The following MYCBP2 variants were observed in gnomAD, a reference collection of about 807,000 sequenced individuals.
MYCBP2 encodes MYC binding protein 2, also known as E3 ubiquitin-protein ligase MYCBP2.
Under a neutral mutation model 525.3 loss-of-function variants are expected in MYCBP2, and 120 were observed. That is an observed-to-expected ratio of 0.23 (90% confidence interval 0.20 to 0.27). The LOEUF (loss-of-function observed/expected upper bound fraction) is 0.27, where lower values mean the gene tolerates loss of function less well. Ranked by LOEUF, MYCBP2 falls within the 10% of genes least tolerant of loss-of-function variation. The pLI is 1.00. For missense variants in MYCBP2, 4,149 were observed against 5,657.1 expected, an observed-to-expected ratio of 0.73 and a Z score of 8.55; for synonymous variants, 1,894 against 1,955.8, an observed-to-expected ratio of 0.97 and a Z score of 0.83.
At chr13:77,180,469 C>T (rs779955428) in intron 33 of MYCBP2, 151 bp from the exon 34 acceptor site, 6 of 638,072 alleles carry the variant, frequency 9.4e-6, no homozygotes, top group Non-Finnish European at 1.3e-5. Context: ...TGTGGAGCCA[C>T]TTTTCACTTA....
intron 26 of MYCBP2, among the ~76,000 whole-genome samples, chr13:77,200,192 C>G (rs1047538507): frequency 6.6e-6 from 1 of 151,892 alleles, no homozygotes; most frequent in African/African-American, 2.4e-5. Flanking sequence ...CAGAGAAGTG[C>G]TTAAAGGAGC....
chr13:77,326,530 G>A lies in MYCBP2; in HGVS notation c.246C>T (p.Thr82=), dbSNP rs146119710. 1.3e-6 allele frequency: 2 copies of A among 1,598,900 alleles called. No individual in the cohort carries two copies. Among genetic ancestry groups the A allele is most frequent in the Non-Finnish European group, 1.7e-6 (2 of 1,173,168 alleles). The change falls in exon 1 of 83, where the codon ACC becomes ACT. Residue 82 remains threonine, a synonymous_variant. Transcript: ENST00000544440. This position sits in a 1 kb window ranked among gnomAD's most constrained non-coding sequence, Gnocchi z 4.2. The stretch of plus-strand genomic sequence containing the variant: ...CCTGGTCCCTGTCATTGAGCGCAGC[G>A]GTATAAATCCTCCGGTAGCGGTCGG... The part of the protein sequence containing the change: ...ALADRYRRIY[T]AALNDRDQGG...
chr13:77,064,138 A>C (rs760665073), intron 73 of MYCBP2, among the ~76,000 whole-genome samples: 8 of 152,274 alleles, frequency 5.3e-5, no homozygotes, highest in East Asian at 1.9e-4. Context: ...TTCCACCCTG[A>C]CCCTGCCCTG....
chr13:77,257,067 T>G (rs753268843), intron 14 of MYCBP2, among the ~76,000 whole-genome samples: 1 of 151,926 alleles, frequency 6.6e-6, no homozygotes, highest in Non-Finnish European at 1.5e-5. Flanking sequence ...AACACTGAGA[T>G]CCTATCATTT....
intron 55 of MYCBP2, among the ~76,000 whole-genome samples, chr13:77,120,139 G>T (rs1456110904): frequency 6.6e-6 from 1 of 152,140 alleles, no homozygotes; most frequent in African/African-American, 2.4e-5. Flanking sequence ...ACTATATAGA[G>T]ATATAGTAGC....
rs1484762878 is a variant in MYCBP2 at position 77,156,109 on chromosome 13, A to G, written c.6864T>C (p.Thr2288=). 6.2e-7 allele frequency: 1 copy of G among 1,613,926 alleles called. No homozygotes were observed. The highest frequency in any genetic ancestry group is 1.7e-5 in the Admixed American group (1 of 60,000). The part of the protein sequence containing the change: ...DIRCGWPTTI[T]VQTKDQYGDV... Reference sequence around the variant, plus strand: ...CCCCATACTGGTCTTTTGTTTGAACAGTTATGGTGGTAGGCCAACCACAAC... The same window carrying G: ...CCCCATACTGGTCTTTTGTTTGAACGGTTATGGTGGTAGGCCAACCACAAC... The change falls in exon 46 of 83, where the codon ACT becomes ACC. Residue 2288 remains threonine (T), a synonymous_variant. Coordinates refer to ENST00000544440, the MANE Select transcript of MYCBP2 (RefSeq NM_015057.5).
At chr13:77,208,663 G>C (rs1202583078) in intron 23 of MYCBP2, among the ~76,000 whole-genome samples, 1 of 152,010 alleles carries the variant, frequency 6.6e-6, no homozygotes. Context: ...CATTTTAAAA[G>C]GTGTCAGATG....
At chr13:77,269,266 A>G (rs1031713768) in intron 7 of MYCBP2, among the ~76,000 whole-genome samples, 2 of 152,200 alleles carry the variant, frequency 1.3e-5, no homozygotes, top group African/African-American at 4.8e-5. Flanking sequence ...AAAGTACTGA[A>G]TCTAGACTAA....
chr13:77,150,464 A>G (rs2056302150), intron 47 of MYCBP2, among the ~76,000 whole-genome samples: 1 of 152,172 alleles, frequency 6.6e-6, no homozygotes, highest in African/African-American at 2.4e-5. Context: ...GTACTTTCAC[A>G]GGAACTGAAA....
chr13:77,186,277 G>C (rs996711877), intron 30 of MYCBP2, among the ~76,000 whole-genome samples: 3 of 151,850 alleles, frequency 2.0e-5, no homozygotes, highest in Non-Finnish European at 4.4e-5. Context: ...TTACAAAAAA[G>C]GTAAAGTAGT....
chr13:77,208,273 T>C (rs999853456), intron 23 of MYCBP2, among the ~76,000 whole-genome samples: 1 of 152,130 alleles, frequency 6.6e-6, no homozygotes, highest in African/African-American at 2.4e-5. Flanking sequence ...CTTGGAAAAA[T>C]AAACTTCTAA....
Position 77,185,881 on chromosome 13 carries a change from G to A in MYCBP2, c.4434C>T (p.Tyr1478=). 1 of 1,580,204 alleles carries A rather than the reference G, an allele frequency of 6.3e-7. No homozygotes were observed. The highest frequency in any genetic ancestry group is 8.6e-7 in the Non-Finnish European group (1 of 1,167,806). Residue 1478 remains tyrosine, a synonymous_variant, in exon 31 of 83, where the codon TAC becomes TAT. Transcript: ENST00000544440. ...RLLRVYTCEI[Y]PVSATGKAVV... is the part of the protein sequence containing the mutation. ...AAAAATGCATCATACCTGACACTGG[G>A]TAAATTTCACAGGTATAGACACGCA...
At chr13:77,082,973 T>G in intron 63 of MYCBP2, 59 bp downstream of exon 63, 1 of 1,489,316 alleles carries the variant, frequency 6.7e-7, no homozygotes, top group Non-Finnish European at 9.1e-7. Context: ...TTTCATACTT[T>G]GAATATTCCA....
At chr13:77,084,321 C>G (rs78147268) in intron 62 of MYCBP2, among the ~76,000 whole-genome samples, 83 of 152,276 alleles carry the variant, frequency 5.5e-4, no homozygotes, top group Non-Finnish European at 9.1e-4. Context: ...GTAAGCCCAT[C>G]AAACTTTTTA....
intron 52 of MYCBP2, among the ~76,000 whole-genome samples, chr13:77,127,698 T>A (rs754586596): frequency 6.6e-6 from 1 of 151,852 alleles, no homozygotes; most frequent in Non-Finnish European, 1.5e-5. Flanking sequence ...ACCAGTAGCC[T>A]CATAATGAAG....
chr13:77,056,099 GGTGTGTGTGTGTGTGTGTGTGTGTGT>G (rs56952443), intron 79 of MYCBP2, among the ~76,000 whole-genome samples: 61 of 120,592 alleles, frequency 5.1e-4, no homozygotes, highest in East Asian at 2.8e-3. Context: ...CTCTGTGTTT[GGTGTGTGTGTGTGTGTGTGTGTGTGT>G]GTGTGTGTGT....
rs181098488 is a variant in MYCBP2 at position 77,218,684 on chromosome 13, C to G, written c.2940-727G>C. Among the ~76,000 whole-genome samples the G allele has an allele frequency of 2.0e-5, 3 of 152,318 alleles. 1 individual carries two copies. Among genetic ancestry groups the G allele is most frequent in the African/African-American group, 7.2e-5 (3 of 41,558 alleles). ...ACGTGTCAAGTACTTGGATCAGCGT[C>G]TGGCACACAGTTAACACTTAATGAA... On this transcript the variant is annotated intron_variant, in intron 20 of 82. Coordinates refer to ENST00000544440, the MANE Select transcript of MYCBP2 (RefSeq NM_015057.5).
intron 42 of MYCBP2, 87 bp downstream of exon 42, chr13:77,165,186 T>C: frequency 8.5e-7 from 1 of 1,181,658 alleles, no homozygotes. Flanking sequence ...GAGGCAACAG[T>C]ACAATTTAAG....
At chr13:77,143,729 A>G (rs533474805) in intron 49 of MYCBP2, among the ~76,000 whole-genome samples, 49 of 152,348 alleles carry the variant, frequency 3.2e-4, no homozygotes, top group African/African-American at 9.6e-4. Flanking sequence ...TGCAAACATC[A>G]GAGTGGACTT....
Sources: gnomAD v4.1 joint callset for allele counts (sites outside exome capture counted in the v4.1 genomes callset) on GRCh38, gnomAD v4.1.1 for gene constraint, Gnocchi (gnomAD v3.1) non-coding constraint, MANE v1.5 for transcripts, NCBI Gene and HGNC (gene_info 2026-07-23, HGNC 2026-07-21) for gene names.